Variants in DMXL1 observed in about 807,000 individuals in gnomAD.
The protein encoded by DMXL1 is Dmx like 1, also known as dmX-like protein 1.
Under a neutral mutation model 319.2 loss-of-function variants are expected in DMXL1, and 99 were observed. That is an observed-to-expected ratio of 0.31 (90% confidence interval 0.26 to 0.37). DMXL1 has a LOEUF of 0.37. Ranked by LOEUF, DMXL1 falls within the 10% of genes least tolerant of loss-of-function variation. DMXL1 has a pLI of 1.00. For synonymous variants in DMXL1, 1,385 were observed against 1,235.2 expected (o/e 1.12, Z -2.54); for missense variants, 3,745 against 3,595.6 (o/e 1.04, Z -1.06).
At chr5:119,090,971 A>G (rs1330804555) in intron 1 of DMXL1, among the ~76,000 whole-genome samples, 1 of 151,978 alleles carries the variant, frequency 6.6e-6, no homozygotes, top group Non-Finnish European at 1.5e-5. Flanking sequence ...AGTTCAGCAA[A>G]TGTATTTCTC....
At chr5:119,128,107 C>A in intron 9 of DMXL1, 1 of 489,702 alleles carries the variant, frequency 2.0e-6, no homozygotes, top group South Asian at 1.6e-5. Context: ...AAGTCTAAAT[C>A]ATGGGATATC....
chr5:119,167,521 T>C, intron 22 of DMXL1, 82 bp from the exon 23 acceptor site: 1 of 1,118,464 alleles, frequency 8.9e-7, no homozygotes, highest in Non-Finnish European at 1.3e-6. Context: ...TTTATATTTT[T>C]CTAGTTATTA....
intron 1 of DMXL1, among the ~76,000 whole-genome samples, chr5:119,095,068 T>G (rs1755629811): frequency 6.6e-6 from 1 of 151,950 alleles, no homozygotes; most frequent in African/African-American, 2.4e-5. Context: ...TTGCCCAAGC[T>G]AGTCTTTAAC....
chr5:119,164,558 A>G lies in DMXL1; in HGVS notation c.4754A>G (p.Glu1585Gly). Residue 1585 changes from glutamate to glycine, a missense_variant, in exon 20 of 44, where the codon GAA becomes GGA. Physicochemically the swap from Glu to Gly is moderately conservative, Grantham distance 98. Coordinates refer to ENST00000539542, the MANE Select transcript of DMXL1 (RefSeq NM_001290321.3). ...AWAFHSVAEE[E>G]LLNMLPAMQK... ...GCATTTCACTCAGTAGCAGAAGAAGAACTGCTGAACATGTTGCCAGCCATG... is the reference window on the plus strand; with the variant it reads ...GCATTTCACTCAGTAGCAGAAGAAGGACTGCTGAACATGTTGCCAGCCATG... The G allele has an allele frequency of 6.2e-7, 1 of 1,614,174 alleles. No homozygotes were observed. Among genetic ancestry groups the G allele is most frequent in the Non-Finnish European group, 8.5e-7 (1 of 1,179,998 alleles).
At chr5:119,079,684 A>C (rs973119632) in intron 1 of DMXL1, among the ~76,000 whole-genome samples, 1 of 151,498 alleles carries the variant, frequency 6.6e-6, no homozygotes, top group Non-Finnish European at 1.5e-5. Flanking sequence ...GGCATTTGTC[A>C]TGTTGATCAT....
chr5:119,106,876 A>G (rs968218276), intron 4 of DMXL1, among the ~76,000 whole-genome samples: 1 of 152,250 alleles, frequency 6.6e-6, no homozygotes, highest in African/African-American at 2.4e-5. Flanking sequence ...AATTGACATT[A>G]CTTAACAACT....
chr5:119,144,782 A>G, intron 15 of DMXL1, 144 bp downstream of exon 15: 1 of 505,610 alleles, frequency 2.0e-6, no homozygotes, highest in Non-Finnish European at 3.5e-6. Context: ...TATCATAAAT[A>G]TGAGTATCTT....
intron 34 of DMXL1, among the ~76,000 whole-genome samples, chr5:119,214,355 A>T (rs571897205): frequency 1.4e-4 from 21 of 152,234 alleles, no homozygotes; most frequent in African/African-American, 4.1e-4. Flanking sequence ...ACCCACTATG[A>T]TCTCTCACTT....
chr5:119,212,240 C>T (rs1420218034), intron 34 of DMXL1, among the ~76,000 whole-genome samples: 1 of 152,120 alleles, frequency 6.6e-6, no homozygotes, highest in Non-Finnish European at 1.5e-5. Context: ...CAGGCAACCA[C>T]CATTCTGCTT....
At chr5:119,147,050 C>T (rs1026875609) in intron 16 of DMXL1, 94 bp downstream of exon 16, 1 of 1,413,906 alleles carries the variant, frequency 7.1e-7, no homozygotes, top group Non-Finnish European at 9.8e-7. Context: ...TTCTTAAAGC[C>T]ATTCTCATTA....
intron 1 of DMXL1, among the ~76,000 whole-genome samples, chr5:119,096,851 T>G (rs1031038247): frequency 6.6e-6 from 1 of 152,246 alleles, no homozygotes; most frequent in Non-Finnish European, 1.5e-5. Flanking sequence ...CACTTATAAA[T>G]TATTAGCTGC....
intron 9 of DMXL1, among the ~76,000 whole-genome samples, chr5:119,125,137 C>T (rs964950102): frequency 6.6e-6 from 1 of 152,170 alleles, no homozygotes; most frequent in African/African-American, 2.4e-5. Flanking sequence ...TCTTCTTTTA[C>T]ATCACAACAT....
chr5:119,115,430 C>T (rs1387822209), intron 6 of DMXL1, among the ~76,000 whole-genome samples: 1 of 152,160 alleles, frequency 6.6e-6, no homozygotes, highest in African/African-American at 2.4e-5. Context: ...TTCATTGGTT[C>T]ATAGAGCATT....
intron 9 of DMXL1, among the ~76,000 whole-genome samples, chr5:119,122,634 C>T (rs1202097847): frequency 1.3e-5 from 2 of 150,654 alleles, no homozygotes; most frequent in Non-Finnish European, 3.0e-5. Context: ...GACGGGGCGG[C>T]CGGGCAGAGA....
intron 1 of DMXL1, among the ~76,000 whole-genome samples, chr5:119,093,049 G>A (rs534174287): frequency 9.2e-5 from 14 of 151,848 alleles, no homozygotes; most frequent in African/African-American, 3.4e-4. Flanking sequence ...TGCACTTCAA[G>A]TATTATGATT....
At position 119,148,848 on chromosome 5, in the gene DMXL1, A is replaced by G. The variant is rs752907169; in HGVS notation, c.3021A>G (p.Gly1007=). The G allele has an allele frequency of 1.9e-6, 3 of 1,613,796 alleles. No homozygotes were observed. The highest frequency in any genetic ancestry group is 2.5e-6 in the Non-Finnish European group (3 of 1,179,784). Residue 1007 remains glycine (G), a synonymous_variant, in exon 18 of 44, where the codon GGA becomes GGG. Coordinates refer to ENST00000539542, the MANE Select transcript of DMXL1 (RefSeq NM_001290321.3). ...VRFWRCRVTD[G]ESATSKNGKI... ...TCTGGAGATGCAGAGTAACAGATGG[A>G]GAATCTGCCACGTCAAAGAATGGAA...
At chr5:119,155,906 G>C (rs963275396) in intron 19 of DMXL1, among the ~76,000 whole-genome samples, 1 of 151,712 alleles carries the variant, frequency 6.6e-6, no homozygotes, top group African/African-American at 2.4e-5. Context: ...GGTTTCTTAA[G>C]GTGGAATCTA....
chr5:119,129,454 G>T, intron 10 of DMXL1, 31 bp downstream of exon 10: 2 of 1,519,676 alleles, frequency 1.3e-6, no homozygotes, highest in African/African-American at 1.4e-5. Context: ...AAAATTTAAA[G>T]TTTTGCTCAA....
chr5:119,096,263 A>T (rs1426193873), intron 1 of DMXL1, among the ~76,000 whole-genome samples: 12 of 148,398 alleles, frequency 8.1e-5, no homozygotes, highest in African/African-American at 2.8e-4. Flanking sequence ...TGCAATCTCC[A>T]CCTCCCGGGT....
Sources: allele counts gnomAD v4.1 joint callset (sites outside exome capture counted in the v4.1 genomes callset), GRCh38; gene constraint gnomAD v4.1.1; transcripts MANE v1.5; gene names NCBI Gene and HGNC (gene_info 2026-07-23, HGNC 2026-07-21).